MAK: variants seen among roughly 807,000 people sequenced by gnomAD.
MAK encodes the protein serine/threonine-protein kinase MAK.
A neutral mutation model predicts 82.6 loss-of-function variants in MAK; 65 were observed. The ratio of observed to expected loss-of-function variants is 0.79; its 90% CI spans 0.64 to 0.97. MAK has a LOEUF of 0.97. Among genes scored for constraint, MAK ranks in the 50% least tolerant of loss-of-function variants. MAK has a pLI of 0.00. For synonymous variants in MAK, 250 were observed against 274.2 expected, an observed-to-expected ratio of 0.91 and a Z score of 0.87; for missense variants, 703 against 780.2, an observed-to-expected ratio of 0.90 and a Z score of 1.18.
intron 14 of MAK, among the ~76,000 whole-genome samples, chr6:10,766,700 G>A (rs908033643): frequency 6.6e-6 from 1 of 152,144 alleles, no homozygotes; most frequent in South Asian, 2.1e-4. Flanking sequence ...GGGGAGTAGA[G>A]AGCGGGGAGA....
At chr6:10,837,694 T>G in intron 1 of MAK, among the ~76,000 whole-genome samples, 1 of 152,364 alleles carries the variant, frequency 6.6e-6, no homozygotes, top group African/African-American at 2.4e-5. Flanking sequence ...TACAGCTCTT[T>G]CCTTGTAGGA....
At chr6:10,781,425 T>C (rs2127527451) in intron 11 of MAK, among the ~76,000 whole-genome samples, 1 of 150,130 alleles carries the variant, frequency 6.7e-6, no homozygotes, top group African/African-American at 2.5e-5. Context: ...AAGTAGATTT[T>C]TTTTTTTTTT....
intron 2 of MAK, among the ~76,000 whole-genome samples, chr6:10,826,035 C>T (rs1223507039): frequency 2.0e-5 from 3 of 152,088 alleles, no homozygotes; most frequent in African/African-American, 7.2e-5. Flanking sequence ...CCTTCATGAC[C>T]TTCTAGTCTT....
At position 10,830,670 on chromosome 6, in the gene MAK, A is replaced by T. The variant is rs370663263; in HGVS notation, c.-22T>A. On this transcript the variant is annotated 5_prime_UTR_variant, in exon 2 of 15. Transcript: ENST00000354489. ...TCATCTTGGAAAAATAATGCAGCAG[A>T]AGTTGTTGATTGAAATGACTTCCTT... is the stretch of plus-strand genomic sequence containing the variant. The T allele has an allele frequency of 6.4e-7, 1 of 1,570,182 alleles. No homozygotes were observed. The highest frequency in any genetic ancestry group is 1.3e-5 in the African/African-American group (1 of 74,110).
In MAK at chr6:10,763,365, T is replaced by G. The variant is rs1772111147; in HGVS notation, c.*1087A>C. 6.6e-6 allele frequency: 1 copy of G among 152,158 alleles called. No individual in the cohort carries two copies. Among genetic ancestry groups the G allele is most frequent in the South Asian group, 2.1e-4 (1 of 4,826 alleles). 9.4% of individuals were successfully genotyped at this position (152,158 alleles called of 1,614,324 possible). On this transcript the variant is annotated 3_prime_UTR_variant, in exon 15 of 15. Coordinates refer to ENST00000354489, the MANE Select transcript of MAK (RefSeq NM_001242957.3). ...CAAACAAACACAGTTTCCAGAACTTTCTTAATGATGTCCAGCCAAGAGAAC... is the reference window on the plus strand; with the variant it reads ...CAAACAAACACAGTTTCCAGAACTTGCTTAATGATGTCCAGCCAAGAGAAC...
At chr6:10,767,571 C>T (rs1053214800) in intron 14 of MAK, among the ~76,000 whole-genome samples, 3 of 151,994 alleles carry the variant, frequency 2.0e-5, no homozygotes, top group South Asian at 2.1e-4. Flanking sequence ...TTTGAGAGGT[C>T]GAGGCAGGCA....
intron 14 of MAK, among the ~76,000 whole-genome samples, chr6:10,766,606 G>A (rs1413378964): frequency 6.6e-6 from 1 of 152,216 alleles, no homozygotes; most frequent in Non-Finnish European, 1.5e-5. Flanking sequence ...GAATAGAAAC[G>A]AGCATCTGTC....
chr6:10,826,369 A>T (rs755885328), intron 2 of MAK, among the ~76,000 whole-genome samples: 1 of 151,952 alleles, frequency 6.6e-6, no homozygotes, highest in Non-Finnish European at 1.5e-5. Flanking sequence ...CCCCCATCAT[A>T]GGACTTAGCA....
intron 9 of MAK, among the ~76,000 whole-genome samples, chr6:10,794,335 G>T (rs1775330335): frequency 6.6e-6 from 1 of 152,200 alleles, no homozygotes; most frequent in Non-Finnish European, 1.5e-5. Flanking sequence ...GCAGGCACTG[G>T]TCGGGGTGCT....
intron 12 of MAK, among the ~76,000 whole-genome samples, chr6:10,774,278 ATAAT>A (rs1371554199): frequency 2.0e-5 from 3 of 152,198 alleles, no homozygotes; most frequent in Admixed American, 1.3e-4. Flanking sequence ...TTCATTGTAT[ATAAT>A]TAATCAAAAA....
At chr6:10,817,782 T>C (rs1777607341) in intron 4 of MAK, 68 bp downstream of exon 4, 5 of 1,243,712 alleles carry the variant, frequency 4.0e-6, no homozygotes, top group Admixed American at 4.1e-5. Context: ...TCATAAAGTA[T>C]GACATATCAA....
At chr6:10,777,240 C>T (rs995244462) in intron 11 of MAK, among the ~76,000 whole-genome samples, 2 of 151,870 alleles carry the variant, frequency 1.3e-5, no homozygotes, top group African/African-American at 4.8e-5. Context: ...GACCCTGTCT[C>T]TACTAAAAGA....
At chr6:10,765,440 ATTTTTTTTTTTTTTTT>A (rs200536068) in intron 14 of MAK, among the ~76,000 whole-genome samples, 6 of 130,614 alleles carry the variant, frequency 4.6e-5, no homozygotes, top group African/African-American at 1.3e-4. Flanking sequence ...TAGAATGAAG[ATTTTTTTTTTTTTTTT>A]TTTTTTTTTT....
At chr6:10,823,507 C>T (rs2127582408) in intron 2 of MAK, among the ~76,000 whole-genome samples, 1 of 152,206 alleles carries the variant, frequency 6.6e-6, no homozygotes, top group East Asian at 1.9e-4. Flanking sequence ...AGCTACTCCA[C>T]AAAATGTATT....
rs1317087270 is a variant in MAK at position 10,773,116 on chromosome 6, G to A, written c.1598-8C>T. The A allele has an allele frequency of 1.4e-6, 2 of 1,411,014 alleles. No homozygotes were observed. Among genetic ancestry groups the A allele is most frequent in the Non-Finnish European group, 1.9e-6 (2 of 1,040,180 alleles). 87.4% of individuals were successfully genotyped at this position (1,411,014 alleles called of 1,614,324 possible). On this transcript the variant is annotated splice_polypyrimidine_tract_variant and splice_region_variant and intron_variant, in intron 12 of 14. Coordinates refer to ENST00000354489, the MANE Select transcript of MAK (RefSeq NM_001242957.3). Reference sequence around the variant, plus strand: ...GTTTAATTATGCTTTCTTCTAAAGAGAAGACAGATGGAAAGAAAGAATAAT... The same window carrying A: ...GTTTAATTATGCTTTCTTCTAAAGAAAAGACAGATGGAAAGAAAGAATAAT...
chr6:10,791,953 C>T (rs1775127806), intron 9 of MAK, 106 bp from the exon 10 acceptor site: 25 of 1,255,694 alleles, frequency 2.0e-5, no homozygotes, highest in South Asian at 2.4e-5. Flanking sequence ...TCTCAAGGAG[C>T]GTTCCATACA....
In MAK at chr6:10,803,893, T is replaced by C. The variant is rs1195302650; in HGVS notation, c.492-2A>G. 6.2e-7 allele frequency: 1 copy of C among 1,613,534 alleles called. No homozygotes were observed. The highest frequency in any genetic ancestry group is 1.3e-5 in the African/African-American group (1 of 74,892). ...AGTAAAACTTCAGGGGCACGATACC[T>C]ATGAAAATAGAGAACAAAAGAGGTA... On this transcript the variant is annotated splice_acceptor_variant, in intron 6 of 14. Coordinates refer to ENST00000354489, the MANE Select transcript of MAK (RefSeq NM_001242957.3). LOFTEE classifies it high-confidence loss of function.
At chr6:10,791,991 T>A in intron 9 of MAK, 144 bp from the exon 10 acceptor site, 2 of 854,366 alleles carry the variant, frequency 2.3e-6, no homozygotes, top group Non-Finnish European at 1.9e-6. Flanking sequence ...TATACACATT[T>A]AAAAGCATGA....
chr6:10,765,132 G>A (rs181354851), intron 14 of MAK, among the ~76,000 whole-genome samples: 213 of 151,620 alleles, frequency 1.4e-3, no homozygotes, highest in African/African-American at 4.7e-3. Context: ...TAGCTGAAGA[G>A]CCAATATTAT....
Sources: allele counts gnomAD v4.1 joint callset (sites outside exome capture counted in the v4.1 genomes callset), GRCh38; gene constraint gnomAD v4.1.1; transcripts MANE v1.5; gene names NCBI Gene and HGNC (gene_info 2026-07-23, HGNC 2026-07-21).